The following TMEM192 variants were observed in gnomAD, a reference collection of about 807,000 sequenced individuals.
The protein encoded by TMEM192 is transmembrane protein 192.
A neutral mutation model predicts 26.7 loss-of-function variants in TMEM192; 20 were observed. The observed-to-expected ratio is 0.75, with a 90% CI of 0.53 to 1.09. TMEM192 has a LOEUF of 1.09. TMEM192 is among the 50% of genes least tolerant of loss of function. TMEM192 has a pLI of 0.00. For synonymous variants in TMEM192, 124 were observed against 121.0 expected, an observed-to-expected ratio of 1.02 and a Z score of -0.16; for missense variants, 304 against 322.6, an observed-to-expected ratio of 0.94 and a Z score of 0.44.
Position 165,072,263 on chromosome 4 carries a change from A to G in TMEM192, c.*7395T>C, listed in dbSNP as rs769454261. The G allele has an allele frequency of 3.3e-5, 5 of 151,346 alleles. No homozygotes were observed. The highest frequency in any genetic ancestry group is 2.1e-4 in the South Asian group (1 of 4,772). The allele number at this position is 151,346 out of a possible 1,614,324, so 9.4% of individuals were successfully genotyped here. A position where few individuals can be genotyped will look rare whatever the true frequency, so the allele number is the denominator to read the frequency against. On this transcript the variant is annotated 3_prime_UTR_variant, in exon 6 of 6. Coordinates refer to ENST00000306480, the MANE Select transcript of TMEM192 (RefSeq NM_001100389.2). The stretch of plus-strand genomic sequence containing the variant: ...AAAGAAAAAGAAAAAGAAAAACACT[A>G]TTATAATAGGGCCAGGCACAGTGAC...
chr4:165,112,710 T>G (rs746511625), intron 1 of TMEM192, 37 bp downstream of exon 1: 1 of 1,608,084 alleles, frequency 6.2e-7, no homozygotes, highest in Non-Finnish European at 8.5e-7. Context: ...AAAAAGCGGA[T>G]TCCGGGGCCA....
intron 5 of TMEM192, among the ~76,000 whole-genome samples, chr4:165,080,435 T>C (rs1322238797): frequency 6.6e-6 from 1 of 152,132 alleles, no homozygotes; most frequent in Non-Finnish European, 1.5e-5. Context: ...GTACTAGGAA[T>C]AGTGATGATG....
intron 3 of TMEM192, among the ~76,000 whole-genome samples, chr4:165,091,981 T>C (rs968599017): frequency 1.3e-5 from 2 of 152,172 alleles, no homozygotes; most frequent in African/African-American, 2.4e-5. Context: ...ATTAAGAGTA[T>C]GCCCATGATC....
At chr4:165,109,427 T>C (rs1735243964) in intron 1 of TMEM192, among the ~76,000 whole-genome samples, 1 of 152,212 alleles carries the variant, frequency 6.6e-6, no homozygotes, top group South Asian at 2.1e-4. Flanking sequence ...AATGGTGTGA[T>C]CTTGGCTCAC....
chr4:165,092,203 C>T (rs10745250), intron 3 of TMEM192, among the ~76,000 whole-genome samples: 123,745 of 149,192 alleles, frequency 0.83, 52,364 homozygotes, highest in East Asian at 0.95. Context: ...CTCACTGCAA[C>T]CTCTGCCTCC....
Position 165,073,207 on chromosome 4 carries a change from C to G in TMEM192, c.*6451G>C, listed in dbSNP as rs766800490. ...AAGACATAAGAAACTCCATTTTGAT[C>G]TGTACTAAGAAAAATTGTTTCTGCT... On this transcript the variant is annotated 3_prime_UTR_variant, in exon 6 of 6. Transcript: ENST00000306480. 15 of 153,198 alleles carry G rather than the reference C, an allele frequency of 9.8e-5. No homozygotes were observed. The highest frequency in any genetic ancestry group is 3.3e-3 in the Middle Eastern group (1 of 300). The allele number at this position is 153,198 out of a possible 1,614,324, so 9.5% of individuals were successfully genotyped here.
chr4:165,076,359 C>G lies in TMEM192; in HGVS notation c.*3299G>C, dbSNP rs765721410. On this transcript the variant is annotated 3_prime_UTR_variant, in exon 6 of 6. Coordinates refer to ENST00000306480, the MANE Select transcript of TMEM192 (RefSeq NM_001100389.2). ...AAACTAAAACTGACATTGTCACTTCCTTGCTTGAAATGCTTCAGAGGATCC... is the reference window on the plus strand; with the variant it reads ...AAACTAAAACTGACATTGTCACTTCGTTGCTTGAAATGCTTCAGAGGATCC... 6.6e-6 allele frequency: 1 copy of G among 152,148 alleles called. No individual in the cohort carries two copies. The highest frequency in any genetic ancestry group is 2.4e-5 in the African/African-American group (1 of 41,428). 9.4% of individuals were successfully genotyped at this position (152,148 alleles called of 1,614,324 possible). A position where few individuals can be genotyped will look rare whatever the true frequency, so the allele number is the denominator to read the frequency against.
intron 2 of TMEM192, among the ~76,000 whole-genome samples, chr4:165,102,083 G>C (rs1034883369): frequency 6.6e-6 from 1 of 152,164 alleles, no homozygotes; most frequent in Middle Eastern, 3.2e-3. Context: ...ACTGGCAGTG[G>C]AGTCACCACC....
rs974160340 is a variant in TMEM192 at position 165,077,296 on chromosome 4, C to T, written c.*2362G>A. The T allele has an allele frequency of 6.6e-6, 1 of 152,118 alleles. No individual in the cohort carries two copies. Among genetic ancestry groups the T allele is most frequent in the Non-Finnish European group, 1.5e-5 (1 of 68,032 alleles). The allele number at this position is 152,118 out of a possible 1,614,324, so 9.4% of individuals were successfully genotyped here. ...TAAATCTCAGATACTGACTATAGAT[C>T]CAAATTAAATTTTAAAAATAAATAA... On this transcript the variant is annotated 3_prime_UTR_variant, in exon 6 of 6. Coordinates refer to ENST00000306480, the MANE Select transcript of TMEM192 (RefSeq NM_001100389.2).
At chr4:165,111,925 T>G (rs1322092213) in intron 1 of TMEM192, among the ~76,000 whole-genome samples, 1 of 152,200 alleles carries the variant, frequency 6.6e-6, no homozygotes, top group African/African-American at 2.4e-5. Flanking sequence ...AGCAAAAATT[T>G]TATTACTTGC....
chr4:165,092,112 C>CTTTCTTAATGCTGTTCTTTT (rs1734779100), intron 3 of TMEM192, among the ~76,000 whole-genome samples: 2 of 72,074 alleles, frequency 2.8e-5, no homozygotes, highest in African/African-American at 1.3e-4. Context: ...TAATGCTGTT[C>CTTTCTTAATGCTGTTCTTTT]TTTTTTTTTT....
In TMEM192 at chr4:165,079,649, G is replaced by A. The variant is rs754295931; in HGVS notation, c.*9C>T. On this transcript the variant is annotated 3_prime_UTR_variant, in exon 6 of 6. Coordinates refer to ENST00000306480, the MANE Select transcript of TMEM192 (RefSeq NM_001100389.2). Reference sequence around the variant, plus strand: ...TTCCTCTGCAATTGCTGTCATGACCGTGAGCCTCTCACGTTCTACTTGGCT... The same window carrying A: ...TTCCTCTGCAATTGCTGTCATGACCATGAGCCTCTCACGTTCTACTTGGCT... The A allele has an allele frequency of 8.1e-6, 13 of 1,604,564 alleles. No individual in the cohort carries two copies. Among genetic ancestry groups the A allele is most frequent in the Admixed American group, 5.1e-5 (3 of 58,724 alleles).
intron 1 of TMEM192, 137 bp downstream of exon 1, chr4:165,112,610 G>T: frequency 7.6e-7 from 1 of 1,308,996 alleles, no homozygotes. Context: ...AGGCCTCCCC[G>T]GGCACAGGCG....
intron 3 of TMEM192, among the ~76,000 whole-genome samples, chr4:165,094,051 C>T (rs1734834637): frequency 6.6e-6 from 1 of 152,176 alleles, no homozygotes; most frequent in African/African-American, 2.4e-5. Context: ...AGGCACCTGC[C>T]ACCATGCCTG....
Position 165,073,501 on chromosome 4 carries a change from G to A in TMEM192, c.*6157C>T, listed in dbSNP as rs371793178. 1.3e-5 allele frequency: 2 copies of A among 152,186 alleles called. No individual in the cohort carries two copies. The highest frequency in any genetic ancestry group is 1.5e-5 in the Non-Finnish European group (1 of 68,084). The allele number at this position is 152,186 out of a possible 1,614,324, so 9.4% of individuals were successfully genotyped here. A position where few individuals can be genotyped will look rare whatever the true frequency, so the allele number is the denominator to read the frequency against. On this transcript the variant is annotated 3_prime_UTR_variant, in exon 6 of 6. Transcript: ENST00000306480. ...CTCCCACTGAGACAGCCTGAGATAC[G>A]GCCTCGTGGGAAAGGAAAGGCCTTA...
rs57000009 is a variant in TMEM192, at chr4:165,072,553, TCC to T, written c.*7103_*7104del. 953 of 144,988 alleles carry T rather than the reference TCC, an allele frequency of 6.6e-3. 7 individuals are homozygous for T. The highest frequency in any genetic ancestry group is 9.4e-3 in the Non-Finnish European group (623 of 65,996). 9.0% of individuals were successfully genotyped at this position (144,988 alleles called of 1,614,324 possible). ...GCCTGGGCAACAGAGCGAGACTCCC[TCC>T]CCCAAAAAAAAAAAACAAAACCAAA... On this transcript the variant is annotated 3_prime_UTR_variant, in exon 6 of 6. Coordinates refer to ENST00000306480, the MANE Select transcript of TMEM192 (RefSeq NM_001100389.2).
In TMEM192 at chr4:165,079,295, T is replaced by C. The variant is rs1350711468; in HGVS notation, c.*363A>G. 1.1e-5 allele frequency: 2 copies of C among 181,544 alleles called. No homozygotes were observed. Among genetic ancestry groups the C allele is most frequent in the Non-Finnish European group, 2.3e-5 (2 of 88,032 alleles). 11.2% of individuals were successfully genotyped at this position (181,544 alleles called of 1,614,324 possible). Reference sequence around the variant, plus strand: ...TTAAAACCCTGTTTAAAATCGATTGTCTTGTTAGACTTCCCCTATCCATAA... The same window carrying C: ...TTAAAACCCTGTTTAAAATCGATTGCCTTGTTAGACTTCCCCTATCCATAA... On this transcript the variant is annotated 3_prime_UTR_variant, in exon 6 of 6. Coordinates refer to ENST00000306480, the MANE Select transcript of TMEM192 (RefSeq NM_001100389.2).
rs371082867 is a variant in TMEM192 at position 165,112,479 on chromosome 4, C to G, written c.27+268G>C. On this transcript the variant is annotated intron_variant, in intron 1 of 5. Coordinates refer to ENST00000306480, the MANE Select transcript of TMEM192 (RefSeq NM_001100389.2). ...CGTGGGCTGGGCGCCAGCCTGGGAC[C>G]CCCGGGGGCCGCGCGCCCACCGCCC... is the stretch of plus-strand genomic sequence containing the variant. Among the ~76,000 whole-genome samples the G allele has an allele frequency of 1.0e-3, 153 of 152,280 alleles. 2 individuals carry two copies. The East Asian group carries it at 0.027, about 27-fold the overall frequency.
chr4:165,100,557 C>T (rs980068563), intron 3 of TMEM192, 71 bp downstream of exon 3: 3 of 1,498,316 alleles, frequency 2.0e-6, no homozygotes, highest in Admixed American at 4.1e-5. Context: ...TAAAATCAAA[C>T]TTCATATATT....
Sources: allele counts gnomAD v4.1 joint callset (sites outside exome capture counted in the v4.1 genomes callset), GRCh38; gene constraint gnomAD v4.1.1; transcripts MANE v1.5; gene names NCBI Gene and HGNC (gene_info 2026-07-23, HGNC 2026-07-21).